Variants in CNKSR2 observed in about 807,000 individuals in gnomAD.
CNKSR2 encodes connector enhancer of kinase suppressor of Ras 2.
A neutral mutation model predicts 84.4 loss-of-function variants in CNKSR2; 14 were observed. The observed-to-expected ratio is 0.17, with a 90% CI of 0.11 to 0.26. The LOEUF (loss-of-function observed/expected upper bound fraction) is 0.26, where lower values mean the gene tolerates loss of function less well. Among genes scored for constraint, CNKSR2 ranks in the 10% least tolerant of loss-of-function variants. The pLI is 1.00. For missense variants in CNKSR2, 485 were observed against 771.2 expected, an observed-to-expected ratio of 0.63 and a Z score of 4.40; for synonymous variants, 275 against 277.9, an observed-to-expected ratio of 0.99 and a Z score of 0.10.
chrX:21,393,020 C>CT (rs1351787454), intron 1 of CNKSR2, among the ~76,000 whole-genome samples: 1 of 111,980 alleles, frequency 8.9e-6, no homozygotes, highest in Non-Finnish European at 1.9e-5. Context: ...GATAAAGAAA[C>CT]TGACAGAAAA....
chrX:21,477,887 A>G (rs1290242002), intron 5 of CNKSR2, among the ~76,000 whole-genome samples: 1 of 112,072 alleles, frequency 8.9e-6, no homozygotes, highest in African/African-American at 3.2e-5. Flanking sequence ...ATCCCTGAAG[A>G]TAATTTTAAC....
chrX:21,526,822 TG>T, intron 9 of CNKSR2, 44 bp from the exon 10 acceptor site: 1 of 1,040,313 alleles, frequency 9.6e-7, no homozygotes. Flanking sequence ...TGTTGTTTTG[TG>T]TGTTGTTTGT....
intron 11 of CNKSR2, among the ~76,000 whole-genome samples, chrX:21,540,683 C>G (rs2091968905): frequency 9.0e-6 from 1 of 111,447 alleles, no homozygotes; most frequent in African/African-American, 3.3e-5. Context: ...TCACAAAAAC[C>G]CTTACCTTGA....
chrX:21,577,671 A>G (rs902445681), intron 13 of CNKSR2, among the ~76,000 whole-genome samples: 1 of 110,466 alleles, frequency 9.1e-6, no homozygotes, highest in Non-Finnish European at 1.9e-5. Context: ...CCTTGCCACC[A>G]TAACTCATTT....
chrX:21,375,561 A>G (rs1043403498), intron 1 of CNKSR2, among the ~76,000 whole-genome samples: 2 of 112,163 alleles, frequency 1.8e-5, no homozygotes, highest in African/African-American at 6.5e-5. Flanking sequence ...GGGTGAGGAC[A>G]TCATGCTTCC....
chrX:21,506,439 T>C (rs975823625), intron 8 of CNKSR2: 2 of 111,814 alleles, frequency 1.8e-5, no homozygotes, highest in East Asian at 5.6e-4. Flanking sequence ...TTTCTTTTAT[T>C]TCACATTGAA....
At chrX:21,498,090 T>C (rs1175098649) in intron 7 of CNKSR2, among the ~76,000 whole-genome samples, 1 of 112,012 alleles carries the variant, frequency 8.9e-6, no homozygotes, top group East Asian at 2.8e-4. Context: ...GTCTTTGTAT[T>C]TTCTGATTCA....
At chrX:21,648,057 C>G (rs1418187142) in intron 20 of CNKSR2, among the ~76,000 whole-genome samples, 1 of 111,284 alleles carries the variant, frequency 9.0e-6, no homozygotes, top group East Asian at 2.8e-4. Flanking sequence ...ATTTTTTTCT[C>G]AAAAATATTT....
In CNKSR2 at chrX:21,563,343, G is replaced by T. The variant is rs773209024; in HGVS notation, c.1499G>T (p.Gly500Val). The change falls in exon 13 of 22, where the codon GGT (glycine) becomes GTT (valine). Residue 500 changes from glycine (G) to valine (V), a missense_variant. Gly to Val is a moderately radical substitution (Grantham distance 109). Transcript: ENST00000379510. Reference protein sequence around the residue: ...KDTGKKSKKKGDKSNSPTHYS... With the variant: ...KDTGKKSKKKVDKSNSPTHYS... The stretch of plus-strand genomic sequence containing the variant: ...ACAGGGAAGAAGTCAAAAAAGAAGG[G>T]TGATAAGAGTAATAGCCCAACTCAC... The T allele has an allele frequency of 3.3e-6, 4 of 1,207,987 alleles. No individual in the cohort carries two copies. In the South Asian group the frequency reaches 7.0e-5, roughly 21 times the overall value.
intron 10 of CNKSR2, among the ~76,000 whole-genome samples, chrX:21,530,529 A>C (rs1476872512): frequency 9.0e-6 from 1 of 111,341 alleles, no homozygotes; most frequent in Non-Finnish European, 1.9e-5. Context: ...TGTTCTTTTT[A>C]TCTGTCTTGT....
chrX:21,565,875 G>T (rs1396726107), intron 13 of CNKSR2, among the ~76,000 whole-genome samples: 1 of 111,106 alleles, frequency 9.0e-6, no homozygotes, highest in Non-Finnish European at 1.9e-5. Context: ...TTCCACATTT[G>T]ATATGTCTTT....
chrX:21,393,356 G>T (rs1295792739), intron 1 of CNKSR2, among the ~76,000 whole-genome samples: 1 of 112,102 alleles, frequency 8.9e-6, no homozygotes, highest in Non-Finnish European at 1.9e-5. Context: ...AGGTAAGAAT[G>T]CTTTACATTT....
chrX:21,419,809 T>G (rs1210254100), intron 1 of CNKSR2, among the ~76,000 whole-genome samples: 1 of 112,587 alleles, frequency 8.9e-6, no homozygotes, highest in Non-Finnish European at 1.9e-5. Context: ...AGCACCCTTG[T>G]GGCCACCACC....
intron 1 of CNKSR2, chrX:21,424,929 C>T (rs1283752462): frequency 8.9e-6 from 1 of 111,733 alleles, no homozygotes; most frequent in Non-Finnish European, 1.9e-5. Context: ...CACACAGATC[C>T]ATAATGTTGT....
chrX:21,620,712 G>A (rs1464296088), intron 20 of CNKSR2, among the ~76,000 whole-genome samples: 2 of 111,211 alleles, frequency 1.8e-5, no homozygotes, highest in African/African-American at 6.5e-5. Context: ...AAAATGCAGA[G>A]CAAGCATTTG....
chrX:21,383,623 GATAAGAAGAAAC>G (rs1442424021), intron 1 of CNKSR2, among the ~76,000 whole-genome samples: 1 of 111,123 alleles, frequency 9.0e-6, no homozygotes, highest in African/African-American at 3.3e-5. Context: ...TACAGTGGTA[GATAAGAAGAAAC>G]CTCATTAAAT....
intron 20 of CNKSR2, among the ~76,000 whole-genome samples, chrX:21,623,809 G>A (rs2092611675): frequency 9.0e-6 from 1 of 111,657 alleles, no homozygotes; most frequent in Admixed American, 9.5e-5. Flanking sequence ...AAAGGCATAG[G>A]TGTCCAAAAA....
rs2091841377 is a variant in CNKSR2, at chrX:21,526,946, C to G, written c.1037C>G (p.Ser346Cys). The change falls in exon 10 of 22, where the codon TCT becomes TGT. Residue 346 changes from serine (S) to cysteine (C), a missense_variant. Physicochemically the swap from Ser to Cys is moderately radical, Grantham distance 112. Transcript: ENST00000379510. ...TISTPTKRDS[S>C]ALQDLYIPPP... ...AGTACACCCACCAAAAGAGACAGTT[C>G]TGCCCTCCAGGATCTCTACATTCCC... 8.3e-7 allele frequency: 1 copy of G among 1,203,034 alleles called. No individual in the cohort carries two copies. The highest frequency in any genetic ancestry group is 2.2e-5 in the Admixed American group (1 of 45,380).
chrX:21,423,421 A>C (rs1027809814), intron 1 of CNKSR2: 1 of 112,017 alleles, frequency 8.9e-6, no homozygotes, highest in Non-Finnish European at 1.9e-5. Flanking sequence ...TTCAGCATCA[A>C]TTCTTCTATA....
Sources: allele counts gnomAD v4.1 joint callset (sites outside exome capture counted in the v4.1 genomes callset), GRCh38; gene constraint gnomAD v4.1.1; transcripts MANE v1.5; gene names NCBI Gene and HGNC (gene_info 2026-07-23, HGNC 2026-07-21).